The following FBXW2 variants were observed in gnomAD, a reference collection of about 807,000 sequenced individuals.
The protein encoded by FBXW2 is F-box/WD repeat-containing protein 2.
A neutral mutation model predicts 46.0 loss-of-function variants in FBXW2; 12 were observed. That is an observed-to-expected ratio of 0.26 (90% CI 0.17 to 0.42). The LOEUF (loss-of-function observed/expected upper bound fraction) is 0.42. FBXW2 is among the 10% of genes least tolerant of loss of function. FBXW2 has a pLI of 1.00. For synonymous variants in FBXW2, 203 were observed against 209.6 expected (o/e 0.97, Z 0.27); for missense variants, 360 against 537.0 (o/e 0.67, Z 3.26).
chr9:120,782,841 A>T (rs1353908279), intron 3 of FBXW2, among the ~76,000 whole-genome samples: 1 of 152,174 alleles, frequency 6.6e-6, no homozygotes, highest in Non-Finnish European at 1.5e-5. Context: ...ACAGAGTGAG[A>T]CCTTATCTCA....
intron 3 of FBXW2, among the ~76,000 whole-genome samples, chr9:120,784,507 G>A (rs569474347): frequency 1.3e-5 from 2 of 151,992 alleles, no homozygotes; most frequent in African/African-American, 2.4e-5. Flanking sequence ...AGCTAAACCC[G>A]GGAGGCTGAC....
At chr9:120,778,080 A>G (rs1026190197) in intron 4 of FBXW2, among the ~76,000 whole-genome samples, 23 of 151,980 alleles carry the variant, frequency 1.5e-4, no homozygotes, top group Admixed American at 7.9e-4. Context: ...GGGGAGAGAG[A>G]GAATGAGAGA....
chr9:120,778,252 G>T, intron 4 of FBXW2, 99 bp downstream of exon 4: 1 of 1,005,610 alleles, frequency 9.9e-7, no homozygotes, highest in Non-Finnish European at 1.4e-6. Flanking sequence ...GTTGAAAAAA[G>T]CAGGTTAAAT....
chr9:120,791,640 C>G (rs569293522), intron 2 of FBXW2, among the ~76,000 whole-genome samples: 53 of 152,270 alleles, frequency 3.5e-4, no homozygotes, highest in Non-Finnish European at 6.3e-4. Context: ...ATGGACATGA[C>G]CACTAACATC....
At chr9:120,790,791 C>T (rs995511944) in intron 2 of FBXW2, among the ~76,000 whole-genome samples, 6 of 152,038 alleles carry the variant, frequency 3.9e-5, no homozygotes, top group Admixed American at 2.0e-4. Context: ...CAAACCTGCA[C>T]GTTGTGCACA....
chr9:120,783,606 T>A (rs1159200521), intron 3 of FBXW2, among the ~76,000 whole-genome samples: 1 of 152,200 alleles, frequency 6.6e-6, no homozygotes, highest in South Asian at 2.1e-4. Context: ...GAAAGGCAAG[T>A]GTTCTTGATT....
rs963747231 is a variant in FBXW2, at chr9:120,758,076, T to C, written c.*6483A>G. 2 of 152,172 alleles carry C rather than the reference T, an allele frequency of 1.3e-5. No homozygotes were observed. Among genetic ancestry groups the C allele is most frequent in the Non-Finnish European group, 2.9e-5 (2 of 68,026 alleles). The allele number at this position is 152,172 out of a possible 1,614,324, so 9.4% of individuals were successfully genotyped here. A position where few individuals can be genotyped will look rare whatever the true frequency, so the allele number is the denominator to read the frequency against. On this transcript the variant is annotated 3_prime_UTR_variant, in exon 8 of 8. Coordinates refer to ENST00000608872, the MANE Select transcript of FBXW2 (RefSeq NM_012164.4). ...GGGAAACCAGGTATTCACTTGTATT[T>C]TGGAAAAAACTGAGAATCAAGGATG... is the stretch of plus-strand genomic sequence containing the variant.
intron 3 of FBXW2, among the ~76,000 whole-genome samples, chr9:120,779,193 T>C (rs776077525): frequency 3.3e-5 from 5 of 152,356 alleles, no homozygotes; most frequent in Admixed American, 6.5e-5. Flanking sequence ...AAGGGAAAAG[T>C]TGGCTTTATT....
chr9:120,785,696 T>C (rs946416900), intron 3 of FBXW2, among the ~76,000 whole-genome samples: 4 of 152,216 alleles, frequency 2.6e-5, no homozygotes, highest in East Asian at 3.9e-4. Flanking sequence ...TATATTGGTA[T>C]GGCATCAATT....
In FBXW2 at chr9:120,758,615, G is replaced by A. The variant is rs970436902; in HGVS notation, c.*5944C>T. 2.6e-5 allele frequency: 4 copies of A among 152,184 alleles called. No individual in the cohort carries two copies. Among genetic ancestry groups the A allele is most frequent in the Admixed American group, 1.3e-4 (2 of 15,282 alleles). 9.4% of individuals were successfully genotyped at this position (152,184 alleles called of 1,614,324 possible). A position where few individuals can be genotyped will look rare whatever the true frequency, so the allele number is the denominator to read the frequency against. ...AACATGAAAACATGGAAAAAATCCA[G>A]GTGTGTGGGGGCTGAAAATCAGGGC... is the stretch of plus-strand genomic sequence containing the variant. On this transcript the variant is annotated 3_prime_UTR_variant, in exon 8 of 8. Transcript: ENST00000608872.
At chr9:120,787,049 G>A (rs547451314) in intron 3 of FBXW2, among the ~76,000 whole-genome samples, 45 of 152,250 alleles carry the variant, frequency 3.0e-4, no homozygotes, top group African/African-American at 1.0e-3. Context: ...TTTATTTTGA[G>A]ATGGAGTCTC....
chr9:120,774,363 T>C (rs1413348485), intron 5 of FBXW2, among the ~76,000 whole-genome samples: 1 of 148,514 alleles, frequency 6.7e-6, no homozygotes, highest in Non-Finnish European at 1.5e-5. Flanking sequence ...AAAAAAGAAA[T>C]TAGCTCAGTG....
rs919943150 is a variant in FBXW2, at chr9:120,790,279, T to C, written c.-20-2001A>G. On this transcript the variant is annotated intron_variant, in intron 2 of 7. Coordinates refer to ENST00000608872, the MANE Select transcript of FBXW2 (RefSeq NM_012164.4). ...TCGGCCGGATCACGAGGTCAGGAGA[T>C]CGAGATCATCCTGGCTAACACAGTG... Among the ~76,000 whole-genome samples, 7 of 152,084 alleles carry C rather than the reference T, an allele frequency of 4.6e-5. No individual in the cohort carries two copies. The South Asian group carries it at 1.0e-3, about 23-fold the overall frequency.
chr9:120,784,068 C>T (rs1056818788), intron 3 of FBXW2, among the ~76,000 whole-genome samples: 4 of 152,178 alleles, frequency 2.6e-5, no homozygotes, highest in African/African-American at 4.8e-5. Flanking sequence ...TAAACTAATA[C>T]TTTGGATCAT....
intron 3 of FBXW2, among the ~76,000 whole-genome samples, chr9:120,785,734 G>C (rs1564461871): frequency 6.6e-6 from 1 of 151,994 alleles, no homozygotes; most frequent in Non-Finnish European, 1.5e-5. Flanking sequence ...GCACTAAGAA[G>C]AGCTATAAAA....
chr9:120,762,499 AC>A lies in FBXW2; in HGVS notation c.*2059del, dbSNP rs1233780965. On this transcript the variant is annotated 3_prime_UTR_variant, in exon 8 of 8. Coordinates refer to ENST00000608872, the MANE Select transcript of FBXW2 (RefSeq NM_012164.4). ...CAGAACTCAATGTGAGATAGATTAA[AC>A]CCAGATTTTGTGGGATGGGGGAAGA... The A allele has an allele frequency of 6.6e-6, 1 of 152,192 alleles. No homozygotes were observed. Among genetic ancestry groups the A allele is most frequent in the East Asian group, 1.9e-4 (1 of 5,198 alleles). 9.4% of individuals were successfully genotyped at this position (152,192 alleles called of 1,614,324 possible).
rs2131247188 is a variant in FBXW2 at position 120,757,326 on chromosome 9, T to C, written c.*7233A>G. 1 of 152,354 alleles carries C rather than the reference T, an allele frequency of 6.6e-6. No individual in the cohort carries two copies. The highest frequency in any genetic ancestry group is 2.1e-4 in the South Asian group (1 of 4,830). 9.4% of individuals were successfully genotyped at this position (152,354 alleles called of 1,614,324 possible). A position where few individuals can be genotyped will look rare whatever the true frequency, so the allele number is the denominator to read the frequency against. ...ATAACTATTCGACAAAACTGTGTGTTGTATGCACTCTTCTGTACCTGTAAC... is the reference window on the plus strand; with the variant it reads ...ATAACTATTCGACAAAACTGTGTGTCGTATGCACTCTTCTGTACCTGTAAC... On this transcript the variant is annotated 3_prime_UTR_variant, in exon 8 of 8. Transcript: ENST00000608872.
intron 3 of FBXW2, among the ~76,000 whole-genome samples, chr9:120,780,727 A>G (rs919060562): frequency 2.0e-5 from 3 of 152,164 alleles, no homozygotes; most frequent in African/African-American, 7.2e-5. Context: ...TTCATTCAAC[A>G]TATATTTATA....
chr9:120,769,036 C>T (rs182465553), intron 7 of FBXW2, among the ~76,000 whole-genome samples: 92 of 152,290 alleles, frequency 6.0e-4, no homozygotes, highest in African/African-American at 2.1e-3. Context: ...ACTTTGATCA[C>T]TTTAGAAATG....
Sources: gnomAD v4.1 joint callset for allele counts (sites outside exome capture counted in the v4.1 genomes callset) on GRCh38, gnomAD v4.1.1 for gene constraint, MANE v1.5 for transcripts, NCBI Gene and HGNC (gene_info 2026-07-23, HGNC 2026-07-21) for gene names.